Variants in SIPA1L3 observed in about 807,000 individuals in gnomAD.
The protein encoded by SIPA1L3 is signal induced proliferation associated 1 like 3, also known as signal-induced proliferation-associated 1-like protein 3.
SIPA1L3 carries 59 observed loss-of-function variants against 150.1 expected under a neutral mutation model. The ratio of observed to expected loss-of-function variants is 0.39; its 90% CI spans 0.32 to 0.49. The LOEUF (loss-of-function observed/expected upper bound fraction) is 0.49, where lower values mean the gene tolerates loss of function less well. SIPA1L3 is among the 20% of genes least tolerant of loss of function. The pLI is 0.86. For synonymous variants in SIPA1L3, 1,070 were observed against 1,077.6 expected (o/e 0.99, Z 0.14); for missense variants, 2,211 against 2,489.5 (o/e 0.89, Z 2.38).
chr19:38,156,631 C>T (rs1971955366), intron 13 of SIPA1L3, among the ~76,000 whole-genome samples: 1 of 151,560 alleles, frequency 6.6e-6, no homozygotes, highest in Admixed American at 6.6e-5. Flanking sequence ...TCAAGACCAG[C>T]CTGACCAACA....
chr19:38,091,410 A>G (rs554372661), intron 4 of SIPA1L3, among the ~76,000 whole-genome samples: 7 of 152,234 alleles, frequency 4.6e-5, no homozygotes, highest in South Asian at 4.1e-4. Context: ...ACACATATGT[A>G]TATATAAAAT....
chr19:38,023,541 T>C (rs972650430), intron 1 of SIPA1L3, among the ~76,000 whole-genome samples: 7 of 152,220 alleles, frequency 4.6e-5, no homozygotes, highest in Non-Finnish European at 1.0e-4. Flanking sequence ...GATATTTCCC[T>C]AAGTCATTAT....
intron 1 of SIPA1L3, chr19:37,964,850 A>G (rs2046889322): frequency 6.6e-6 from 1 of 152,208 alleles, no homozygotes; most frequent in Non-Finnish European, 1.5e-5. Context: ...GGAACCTTGA[A>G]AAGTAAGATG....
chr19:38,049,977 A>G (rs1292826500), intron 2 of SIPA1L3, among the ~76,000 whole-genome samples: 1 of 152,164 alleles, frequency 6.6e-6, no homozygotes, highest in Non-Finnish European at 1.5e-5. Flanking sequence ...CAGTCAGCAC[A>G]GGCATTGGAA....
chr19:38,119,621 G>T lies in SIPA1L3; in HGVS notation c.2607G>T (p.Gly869=). ...CTGGCGCTGAGCAGCACAGTGCAGG[G>T]GCCATCGCCTGGAGGGTGGTGGCCC... The part of the protein sequence containing the change: ...ARAGAEQHSA[G]AIAWRVVAQD... The change falls in exon 9 of 22, where the codon GGG becomes GGT. Residue 869 remains glycine, a synonymous_variant. Coordinates refer to ENST00000222345, the MANE Select transcript of SIPA1L3 (RefSeq NM_015073.3). 6.2e-7 allele frequency: 1 copy of T among 1,614,184 alleles called. No individual in the cohort carries two copies. The highest frequency in any genetic ancestry group is 8.5e-7 in the Non-Finnish European group (1 of 1,180,020).
At chr19:38,071,235 A>ATCTATCTATCTGTCTG (rs1488974369) in intron 2 of SIPA1L3, among the ~76,000 whole-genome samples, 19 of 151,540 alleles carry the variant, frequency 1.3e-4, no homozygotes, top group Admixed American at 1.1e-3. Context: ...CTATCTATCT[A>ATCTATCTATCTGTCTG]TCTATCTATC....
At chr19:38,099,828 A>G in intron 4 of SIPA1L3, 134 bp from the exon 5 acceptor site, 1 of 717,396 alleles carries the variant, frequency 1.4e-6, no homozygotes, top group South Asian at 2.2e-5. Context: ...GCTCAGACTT[A>G]GGGCTTTCTG....
chr19:38,080,652 C>G (rs1311780577), intron 2 of SIPA1L3, among the ~76,000 whole-genome samples: 1 of 151,612 alleles, frequency 6.6e-6, no homozygotes, highest in Non-Finnish European at 1.5e-5. Flanking sequence ...GAGATACAAG[C>G]TAAAATATTT....
At chr19:38,089,428 A>G (rs1458088875) in intron 4 of SIPA1L3, among the ~76,000 whole-genome samples, 1 of 152,162 alleles carries the variant, frequency 6.6e-6, no homozygotes, top group African/African-American at 2.4e-5. Flanking sequence ...GTCTGACTTC[A>G]GAGCCCAACA....
At chr19:38,024,082 T>C (rs184461304) in intron 1 of SIPA1L3, among the ~76,000 whole-genome samples, 114 of 151,918 alleles carry the variant, frequency 7.5e-4, no homozygotes, top group African/African-American at 2.7e-3. Context: ...TCCATGTGAA[T>C]TGAGGTGGAA....
At chr19:38,185,405 C>T (rs1972656491) in intron 16 of SIPA1L3, 1 of 152,250 alleles carries the variant, frequency 6.6e-6, no homozygotes, top group Non-Finnish European at 1.5e-5. Flanking sequence ...CCCTCCTCAA[C>T]AATCACCCGT....
Position 38,186,234 on chromosome 19 carries a change from A to G in SIPA1L3, c.4430+3494A>G, listed in dbSNP as rs567003927. ...TGGTGTAAACATATGTAAACTAAGC[A>G]TATAAAATATCAGCAGGAGACACAA... On this transcript the variant is annotated intron_variant, in intron 16 of 21. Coordinates refer to ENST00000222345, the MANE Select transcript of SIPA1L3 (RefSeq NM_015073.3). 8.3e-4 allele frequency: 126 copies of G among 152,368 alleles called. 1 individual carries two copies. The highest frequency in any genetic ancestry group is 2.9e-3 in the African/African-American group (119 of 41,588). 9.4% of individuals were successfully genotyped at this position (152,368 alleles called of 1,614,324 possible). A position where few individuals can be genotyped will look rare whatever the true frequency, so the allele number is the denominator to read the frequency against.
chr19:37,913,227 G>A (rs1302388922), intron 1 of SIPA1L3, among the ~76,000 whole-genome samples: 1 of 152,128 alleles, frequency 6.6e-6, no homozygotes, highest in Non-Finnish European at 1.5e-5. Flanking sequence ...CATTAGCCCT[G>A]TGCAGTTAGC....
chr19:38,040,927 A>G (rs1014776202), intron 2 of SIPA1L3, among the ~76,000 whole-genome samples: 1 of 151,308 alleles, frequency 6.6e-6, no homozygotes, highest in African/African-American at 2.4e-5. Context: ...CGCCCAGCTA[A>G]TTTTTTTGAA....
chr19:37,918,864 C>T (rs1308922514), intron 1 of SIPA1L3, among the ~76,000 whole-genome samples: 18 of 146,998 alleles, frequency 1.2e-4, no homozygotes, highest in Admixed American at 1.2e-3. Flanking sequence ...GAGCGAGACT[C>T]GGTCTCAAAA....
intron 8 of SIPA1L3, among the ~76,000 whole-genome samples, chr19:38,117,635 G>T (rs754039631): frequency 1.3e-5 from 2 of 150,850 alleles, no homozygotes; most frequent in African/African-American, 2.4e-5. Context: ...AAAAAAAAGA[G>T]CATTACCTAT....
chr19:38,072,741 C>T (rs554253728), intron 2 of SIPA1L3, among the ~76,000 whole-genome samples: 12 of 152,364 alleles, frequency 7.9e-5, no homozygotes, highest in Non-Finnish European at 1.5e-4. Context: ...AAAGGGAAGT[C>T]GGGACTGTTG....
At chr19:38,160,014 T>A (rs1295935104) in intron 13 of SIPA1L3, among the ~76,000 whole-genome samples, 1 of 152,156 alleles carries the variant, frequency 6.6e-6, no homozygotes, top group Non-Finnish European at 1.5e-5. Context: ...TTATTTTATT[T>A]TTTATTTATT....
intron 1 of SIPA1L3, among the ~76,000 whole-genome samples, chr19:38,004,640 A>G (rs763801751): frequency 1.3e-5 from 2 of 152,184 alleles, no homozygotes; most frequent in Non-Finnish European, 2.9e-5. Flanking sequence ...CTATCATGCA[A>G]AACCTCAGAG....
Sources: allele counts gnomAD v4.1 joint callset (sites outside exome capture counted in the v4.1 genomes callset), GRCh38; gene constraint gnomAD v4.1.1; transcripts MANE v1.5; gene names NCBI Gene and HGNC (gene_info 2026-07-23, HGNC 2026-07-21).